Variants in GPC6 observed in about 807,000 individuals in gnomAD.
The protein encoded by GPC6 is glypican-6.
Under a neutral mutation model 55.2 loss-of-function variants are expected in GPC6, and 14 were observed. That is an observed-to-expected ratio of 0.25 (90% CI 0.17 to 0.40). GPC6 has a LOEUF of 0.40. Ranked by LOEUF, GPC6 falls within the 10% of genes least tolerant of loss-of-function variation. GPC6 has a pLI of 1.00. For missense variants in GPC6, 641 were observed against 708.5 expected, an observed-to-expected ratio of 0.90 and a Z score of 1.08; for synonymous variants, 278 against 259.6, an observed-to-expected ratio of 1.07 and a Z score of -0.68.
intron 6 of GPC6, among the ~76,000 whole-genome samples, chr13:94,309,816 G>A (rs774504481): frequency 2.6e-4 from 39 of 151,732 alleles, no homozygotes; most frequent in Non-Finnish European, 3.8e-4. Flanking sequence ...CTACCATCAC[G>A]TTGCTTTCTT....
intron 6 of GPC6, among the ~76,000 whole-genome samples, chr13:94,366,117 G>A (rs996311417): frequency 5.9e-5 from 9 of 152,172 alleles, no homozygotes; most frequent in South Asian, 2.1e-4. Flanking sequence ...GCCAATCACA[G>A]GTAGAAATAG....
At chr13:93,449,843 A>G (rs1264169091) in intron 1 of GPC6, among the ~76,000 whole-genome samples, 1 of 151,688 alleles carries the variant, frequency 6.6e-6, no homozygotes, top group Non-Finnish European at 1.5e-5. Context: ...AGAGTAAAGT[A>G]TAAAAATTGC....
chr13:94,022,597 T>C (rs78054237), intron 3 of GPC6, among the ~76,000 whole-genome samples: 3,193 of 152,202 alleles, frequency 0.021, 79 homozygotes, highest in South Asian at 0.068. Flanking sequence ...TTTGGGTATA[T>C]ATAACCAGAA....
chr13:93,394,128 T>G (rs1875756431), intron 1 of GPC6, among the ~76,000 whole-genome samples: 1 of 152,226 alleles, frequency 6.6e-6, no homozygotes, highest in Non-Finnish European at 1.5e-5. Flanking sequence ...TATTACTACC[T>G]CTATAAAGTT....
intron 1 of GPC6, among the ~76,000 whole-genome samples, chr13:93,320,605 A>G (rs1275288837): frequency 6.6e-6 from 1 of 151,820 alleles, no homozygotes; most frequent in Non-Finnish European, 1.5e-5. Context: ...CCATCTGGGA[A>G]TATTTCTTCT....
At chr13:94,015,757 T>A (rs1882440773) in intron 3 of GPC6, among the ~76,000 whole-genome samples, 1 of 152,194 alleles carries the variant, frequency 6.6e-6, no homozygotes, top group South Asian at 2.1e-4. Context: ...GAGGATATTA[T>A]CCTTTCCTCC....
In GPC6 at chr13:93,494,053, G is replaced by A. The variant is rs1263916101; in HGVS notation, c.161-51210G>A. Among the ~76,000 whole-genome samples, 9 of 127,168 alleles carry A rather than the reference G, an allele frequency of 7.1e-5. No homozygotes were observed. The East Asian group carries it at 1.7e-3, about 23-fold the overall frequency. The allele number at this position is 127,168 out of a possible 152,430, so 83.4% of individuals were successfully genotyped here. A position where few individuals can be genotyped will look rare whatever the true frequency, so the allele number is the denominator to read the frequency against. ...GTCTATTAGGTCCGCTTGGTGCAGCGCTGAGTTCAATTCCTGGGTATCCTT... is the reference window on the plus strand; with the variant it reads ...GTCTATTAGGTCCGCTTGGTGCAGCACTGAGTTCAATTCCTGGGTATCCTT... On this transcript the variant is annotated intron_variant, in intron 1 of 8. Coordinates refer to ENST00000377047, the MANE Select transcript of GPC6 (RefSeq NM_005708.5).
intron 1 of GPC6, among the ~76,000 whole-genome samples, chr13:93,446,963 T>G (rs4644730): frequency 0.21 from 32,114 of 151,654 alleles, 3,576 homozygotes; most frequent in Middle Eastern, 0.28. Context: ...CTAATTTTTT[T>G]GGGGGGGTGG....
chr13:93,719,834 A>G (rs1222716245), intron 2 of GPC6, among the ~76,000 whole-genome samples: 1 of 152,074 alleles, frequency 6.6e-6, no homozygotes, highest in Non-Finnish European at 1.5e-5. Flanking sequence ...GCATCTATTG[A>G]GATAATCATG....
At chr13:94,035,372 A>C (rs530379425) in intron 4 of GPC6, among the ~76,000 whole-genome samples, 61 of 152,208 alleles carry the variant, frequency 4.0e-4, no homozygotes, top group South Asian at 3.7e-3. Context: ...GCCCAATGAC[A>C]TTCTTAGCTA....
chr13:94,073,465 A>G (rs577019143), intron 4 of GPC6, among the ~76,000 whole-genome samples: 1 of 152,190 alleles, frequency 6.6e-6, no homozygotes, highest in Non-Finnish European at 1.5e-5. Context: ...GGGCTGTTGG[A>G]TATGTTTCCA....
intron 3 of GPC6, among the ~76,000 whole-genome samples, chr13:93,853,912 C>T (rs183298983): frequency 2.6e-5 from 4 of 151,620 alleles, no homozygotes; most frequent in Non-Finnish European, 4.4e-5. Context: ...GTAACATGTT[C>T]ACAGGGACAA....
chr13:93,847,833 T>A (rs7334869), intron 3 of GPC6, among the ~76,000 whole-genome samples: 4,336 of 152,282 alleles, frequency 0.028, 201 homozygotes, highest in African/African-American at 0.097. Context: ...CAGAAGTATA[T>A]GCCTCTGTGG....
At chr13:93,735,180 C>T (rs1252335832) in intron 2 of GPC6, among the ~76,000 whole-genome samples, 3 of 152,022 alleles carry the variant, frequency 2.0e-5, no homozygotes, top group Non-Finnish European at 1.5e-5. Context: ...TTCAAGAAAA[C>T]TCAATTAACT....
chr13:93,880,873 A>G (rs1192466822), intron 3 of GPC6, among the ~76,000 whole-genome samples: 2 of 116,294 alleles, frequency 1.7e-5, no homozygotes. Flanking sequence ...AAAATAAAAT[A>G]GCCTTTGCAA....
chr13:93,817,869 TATAGATAG>T (rs10599851), intron 2 of GPC6, among the ~76,000 whole-genome samples: 41 of 146,890 alleles, frequency 2.8e-4, no homozygotes, highest in Admixed American at 6.9e-4. Flanking sequence ...AAAAATAATG[TATAGATAG>T]ATAGATAGAT....
chr13:94,322,926 G>C (rs9524436), intron 6 of GPC6, among the ~76,000 whole-genome samples: 17,494 of 151,842 alleles, frequency 0.12, 2,479 homozygotes, highest in African/African-American at 0.34. Context: ...CTAGTATATA[G>C]CAGCTAGATA....
chr13:93,462,391 A>G (rs1222451594), intron 1 of GPC6, among the ~76,000 whole-genome samples: 2 of 152,162 alleles, frequency 1.3e-5, no homozygotes, highest in Admixed American at 6.5e-5. Context: ...GACACTTTTA[A>G]ACACAGACAT....
chr13:93,390,401 A>G (rs1875578094), intron 1 of GPC6, among the ~76,000 whole-genome samples: 1 of 152,100 alleles, frequency 6.6e-6, no homozygotes, highest in East Asian at 1.9e-4. Flanking sequence ...CTTTTCTGTA[A>G]TGGCACTTAT....
Sources: allele counts gnomAD v4.1 joint callset (sites outside exome capture counted in the v4.1 genomes callset), GRCh38; gene constraint gnomAD v4.1.1; transcripts MANE v1.5; gene names NCBI Gene and HGNC (gene_info 2026-07-23, HGNC 2026-07-21).